Variants in GLIS3 observed in about 807,000 individuals in gnomAD.
GLIS3 encodes zinc finger protein GLIS3.
In GLIS3, 53 loss-of-function variants were observed where a neutral mutation model predicts 78.6. The ratio of observed to expected loss-of-function variants is 0.67; its 90% CI spans 0.54 to 0.85. The LOEUF is 0.85. GLIS3 is among the 40% of genes least tolerant of loss of function. The pLI is 0.00. For missense variants in GLIS3, 1,703 were observed against 1,231.1 expected, an observed-to-expected ratio of 1.38 and a Z score of -5.74; for synonymous variants, 684 against 509.9, an observed-to-expected ratio of 1.34 and a Z score of -4.60.
At chr9:4,004,384 A>G (rs1821373304) in intron 4 of GLIS3, among the ~76,000 whole-genome samples, 1 of 152,140 alleles carries the variant, frequency 6.6e-6, no homozygotes, top group African/African-American at 2.4e-5. Flanking sequence ...TAATACATGA[A>G]TCACCTAAAT....
the GLIS3 span, among the ~76,000 whole-genome samples, chr9:4,460,157 A>G: frequency 1.3e-4 from 20 of 152,080 alleles, no homozygotes; most frequent in African/African-American, 4.6e-4. Context: ...GGACCAGTCA[A>G]CAGTGGGGAA....
At chr9:4,301,371 G>A (rs926721638), upstream of GLIS3, among the ~76,000 whole-genome samples, 5 of 152,136 alleles carry the variant, frequency 3.3e-5, no homozygotes, top group African/African-American at 4.8e-5. Context: ...TCAACCACAC[G>A]TAAGAAAAGA....
intron 2 of GLIS3, among the ~76,000 whole-genome samples, chr9:4,266,467 G>A (rs1477058635): frequency 1.3e-5 from 2 of 152,048 alleles, no homozygotes; most frequent in Admixed American, 1.3e-4. Context: ...TAGTGACTTT[G>A]TTTCTTTCTT....
intron 2 of GLIS3, among the ~76,000 whole-genome samples, chr9:4,280,204 G>T (rs1007798734): frequency 6.6e-6 from 1 of 152,038 alleles, no homozygotes; most frequent in Non-Finnish European, 1.5e-5. Context: ...ATTTTTTGTA[G>T]AGAGAGAGGG....
At chr9:4,403,378 C>G in the GLIS3 span, among the ~76,000 whole-genome samples, 1 of 152,132 alleles carries the variant, frequency 6.6e-6, no homozygotes, top group African/African-American at 2.4e-5. Flanking sequence ...GTAAAAAACT[C>G]ACTGGTAATA....
At chr9:4,375,211 G>C in the GLIS3 span, among the ~76,000 whole-genome samples, 2 of 152,150 alleles carry the variant, frequency 1.3e-5, no homozygotes, top group Non-Finnish European at 2.9e-5. Context: ...GAGGTTTGAA[G>C]GGAAGGGGAG....
intron 2 of GLIS3, among the ~76,000 whole-genome samples, chr9:4,221,162 C>T (rs554952391): frequency 2.6e-5 from 4 of 152,126 alleles, no homozygotes; most frequent in African/African-American, 9.6e-5. Context: ...AGCAAAGAAA[C>T]GTACATACAT....
chr9:4,308,149 C>T (rs776364591), intron 4 of GLIS3, among the ~76,000 whole-genome samples: 26 of 152,104 alleles, frequency 1.7e-4, no homozygotes, highest in Non-Finnish European at 3.1e-4. Context: ...AGCATTGTGG[C>T]TTGGTGTCAC....
rs1279226607 is a variant in GLIS3 at position 4,117,954 on chromosome 9, G to A, written c.1524C>T (p.Ser508=). 11 of 1,613,946 alleles carry A rather than the reference G, an allele frequency of 6.8e-6. No individual in the cohort carries two copies. Among genetic ancestry groups the A allele is most frequent in the Non-Finnish European group, 7.6e-6 (9 of 1,180,020 alleles). The part of the protein sequence containing the change: ...GKHCCRWIDC[S]ALYDQQEELV... ...GCTCCTCCTGCTGGTCGTACAGGGC[G>A]CTGCAGTCGATCCAGCGGCAGCAAT... The change falls in exon 4 of 11, where the codon AGC becomes AGT. Residue 508 remains serine, a synonymous_variant. Coordinates refer to ENST00000381971, the MANE Select transcript of GLIS3 (RefSeq NM_001042413.2).
At chr9:4,396,888 G>T in the GLIS3 span, among the ~76,000 whole-genome samples, 5 of 152,088 alleles carry the variant, frequency 3.3e-5, no homozygotes, top group African/African-American at 1.2e-4. Flanking sequence ...CTGATTTCAT[G>T]AGAGTTTTGC....
chr9:4,403,986 T>A, the GLIS3 span, among the ~76,000 whole-genome samples: 1 of 151,960 alleles, frequency 6.6e-6, no homozygotes, highest in Non-Finnish European at 1.5e-5. Flanking sequence ...GAAATATACT[T>A]CACCTATAAA....
the GLIS3 span, among the ~76,000 whole-genome samples, chr9:4,365,087 A>G: frequency 2.0e-4 from 30 of 152,192 alleles, no homozygotes; most frequent in African/African-American, 7.0e-4. Context: ...CTTTGTTCAG[A>G]GGATCCTGTT....
intron 3 of GLIS3, among the ~76,000 whole-genome samples, chr9:4,125,089 T>C (rs955667249): frequency 2.0e-5 from 3 of 152,210 alleles, no homozygotes; most frequent in Admixed American, 2.0e-4. Flanking sequence ...ATGGCATTTA[T>C]AGTACCTACT....
chr9:4,194,339 C>T (rs1258662315), intron 2 of GLIS3, among the ~76,000 whole-genome samples: 4 of 152,132 alleles, frequency 2.6e-5, no homozygotes, highest in African/African-American at 9.7e-5. Flanking sequence ...GGATTACAGG[C>T]GTGAGCCACA....
Position 4,275,309 on chromosome 9 carries a change from G to A in GLIS3, c.388+10729C>T, listed in dbSNP as rs117716386. ...ATTTCTTCAGCTCATGGATGGAAAC[G>A]ACAGCTGAATGGTTTGAGTTTTTAA... On this transcript the variant is annotated intron_variant, in intron 2 of 10. Transcript: ENST00000381971. Among the ~76,000 whole-genome samples, 1,277 of 152,254 alleles carry A rather than the reference G, an allele frequency of 8.4e-3. 10 individuals are homozygous for A. Among genetic ancestry groups the A allele is most frequent in the Non-Finnish European group, 0.012 (817 of 68,012 alleles).
intron 2 of GLIS3, among the ~76,000 whole-genome samples, chr9:4,233,400 C>G (rs1822445288): frequency 6.6e-6 from 1 of 152,236 alleles, no homozygotes; most frequent in African/African-American, 2.4e-5. Flanking sequence ...TGTTACCAAT[C>G]ATGAAAACAC....
intron 9 of GLIS3, among the ~76,000 whole-genome samples, chr9:3,836,942 C>A (rs1818390089): frequency 6.6e-6 from 1 of 152,228 alleles, no homozygotes; most frequent in Non-Finnish European, 1.5e-5. Context: ...TGAAGGACAA[C>A]AATCCTGGAT....
chr9:4,394,959 A>C, the GLIS3 span, among the ~76,000 whole-genome samples: 3 of 152,260 alleles, frequency 2.0e-5, no homozygotes, highest in African/African-American at 7.2e-5. Context: ...ACTATTATTT[A>C]TGAGTGCTAT....
At chr9:4,019,678 G>C (rs530679056) in intron 4 of GLIS3, among the ~76,000 whole-genome samples, 1 of 152,122 alleles carries the variant, frequency 6.6e-6, no homozygotes, top group Non-Finnish European at 1.5e-5. Flanking sequence ...TAGGGTAAGG[G>C]AGATCGACAA....
Sources: gnomAD v4.1 joint callset for allele counts (sites outside exome capture counted in the v4.1 genomes callset) on GRCh38, gnomAD v4.1.1 for gene constraint, MANE v1.5 for transcripts, NCBI Gene and HGNC (gene_info 2026-07-23, HGNC 2026-07-21) for gene names.